OPCML: variants seen among roughly 807,000 people sequenced by gnomAD.
OPCML encodes the protein opioid binding protein/cell adhesion molecule like, also known as opioid-binding protein/cell adhesion molecule.
Under a neutral mutation model 37.8 loss-of-function variants are expected in OPCML, and 13 were observed. The observed-to-expected ratio is 0.34, with a 90% CI of 0.22 to 0.55. OPCML has a LOEUF of 0.55. Among genes scored for constraint, OPCML ranks in the 20% least tolerant of loss-of-function variants. The pLI is 0.91. For missense variants in OPCML, 341 were observed against 435.6 expected (o/e 0.78, Z 1.93); for synonymous variants, 176 against 168.8 (o/e 1.04, Z -0.33).
At chr11:132,532,170 T>A (rs1418351696) in intron 3 of OPCML, among the ~76,000 whole-genome samples, 1 of 152,172 alleles carries the variant, frequency 6.6e-6, no homozygotes, top group Non-Finnish European at 1.5e-5. Flanking sequence ...GCTCAGTCAA[T>A]GTCACCCATT....
rs953421377 is a variant in OPCML, at chr11:132,644,340, T to C, written c.379+12747A>G. 2.0e-5 allele frequency among the ~76,000 whole-genome samples: 3 copies of C among 152,158 alleles called. No homozygotes were observed. The South Asian group carries it at 6.2e-4, about 32-fold the overall frequency. On this transcript the variant is annotated intron_variant, in intron 3 of 7. Coordinates refer to ENST00000524381, the MANE Select transcript of OPCML (RefSeq NM_001012393.5). ...TGTCAATCAGAGGGAACTCCTTCTC[T>C]GCTTTTAACTAACAAAAACCCAGTA...
intron 2 of OPCML, among the ~76,000 whole-genome samples, chr11:132,758,927 G>A (rs1246691365): frequency 6.6e-6 from 1 of 152,118 alleles, no homozygotes; most frequent in Non-Finnish European, 1.5e-5. Flanking sequence ...GTATGATATT[G>A]GTTGTGGGTT....
At chr11:132,875,817 G>A (rs2136410592) in intron 2 of OPCML, among the ~76,000 whole-genome samples, 1 of 152,276 alleles carries the variant, frequency 6.6e-6, no homozygotes, top group South Asian at 2.1e-4. Context: ...GTGCTGGGTG[G>A]TGCCTTTTAT....
At chr11:132,505,572 T>A (rs1012848632) in intron 4 of OPCML, among the ~76,000 whole-genome samples, 1 of 152,160 alleles carries the variant, frequency 6.6e-6, no homozygotes, top group African/African-American at 2.4e-5. Flanking sequence ...GTTGTTGAGA[T>A]GAACGAAAAC....
At chr11:133,103,641 A>G (rs1949117216) in intron 1 of OPCML, among the ~76,000 whole-genome samples, 1 of 152,226 alleles carries the variant, frequency 6.6e-6, no homozygotes, top group Non-Finnish European at 1.5e-5. Flanking sequence ...TTTCTTTGCA[A>G]GATTTCATGT....
intron 2 of OPCML, among the ~76,000 whole-genome samples, chr11:132,735,650 A>G (rs746930799): frequency 4.5e-4 from 69 of 151,856 alleles, no homozygotes; most frequent in Non-Finnish European, 5.7e-4. Context: ...CGCCCGACTA[A>G]TTTTTTGTAT....
chr11:133,083,121 TCACACACACCACG>T (rs1462387656), intron 1 of OPCML, among the ~76,000 whole-genome samples: 2 of 151,784 alleles, frequency 1.3e-5, no homozygotes, highest in Non-Finnish European at 2.9e-5. Flanking sequence ...CACACTCACA[TCACACACACCACG>T]CACACACACG....
intron 1 of OPCML, among the ~76,000 whole-genome samples, chr11:133,220,725 A>C (rs942210856): frequency 2.6e-5 from 4 of 152,064 alleles, no homozygotes; most frequent in African/African-American, 9.7e-5. Context: ...TCAGAGAGCA[A>C]AGTCTCCCTC....
chr11:133,433,804 T>C (rs1946176406), intron 1 of OPCML, among the ~76,000 whole-genome samples: 1 of 152,168 alleles, frequency 6.6e-6, no homozygotes, highest in South Asian at 2.1e-4. Context: ...GGCTCCAGGA[T>C]AAACTCTGTA....
chr11:133,494,165 A>G (rs1947728510), intron 1 of OPCML, among the ~76,000 whole-genome samples: 1 of 152,230 alleles, frequency 6.6e-6, no homozygotes, highest in South Asian at 2.1e-4. Context: ...TCAAAACCAC[A>G]ATGAGATACC....
chr11:133,008,968 G>A (rs914238487), intron 1 of OPCML: 49 of 985,310 alleles, frequency 5.0e-5, no homozygotes, highest in Middle Eastern at 5.2e-4. Context: ...CATTACTGAG[G>A]AGATTAGCAT....
chr11:132,694,583 C>A (rs1943535776), intron 2 of OPCML, among the ~76,000 whole-genome samples: 1 of 152,152 alleles, frequency 6.6e-6, no homozygotes, highest in South Asian at 2.1e-4. Context: ...AAAAAATGAA[C>A]AACAACTTTG....
intron 1 of OPCML, among the ~76,000 whole-genome samples, chr11:133,404,530 G>C (rs547669623): frequency 1.3e-5 from 2 of 152,258 alleles, no homozygotes; most frequent in African/African-American, 4.8e-5. Context: ...TCATTCCACA[G>C]ACAGGGAAGG....
chr11:132,904,102 G>A (rs1944153312), intron 2 of OPCML, among the ~76,000 whole-genome samples: 2 of 152,200 alleles, frequency 1.3e-5, no homozygotes, highest in Non-Finnish European at 1.5e-5. Flanking sequence ...GTCCTAAAGT[G>A]TGGGGGAAAA....
chr11:133,395,926 G>T (rs75030305), intron 1 of OPCML, among the ~76,000 whole-genome samples: 2 of 152,046 alleles, frequency 1.3e-5, no homozygotes, highest in South Asian at 2.1e-4. Flanking sequence ...GGAGAACGTC[G>T]TTGGTATGTT....
intron 1 of OPCML, among the ~76,000 whole-genome samples, chr11:133,160,567 C>T (rs1475884220): frequency 6.6e-6 from 1 of 152,266 alleles, no homozygotes; most frequent in African/African-American, 2.4e-5. Context: ...GCCTAGGCTT[C>T]CTGCTACATT....
chr11:133,418,395 T>C (rs1945813215), intron 1 of OPCML: 3 of 985,272 alleles, frequency 3.0e-6, no homozygotes, highest in Non-Finnish European at 1.2e-6. Context: ...CCTAAATAGA[T>C]TGGTGATTGA....
intron 5 of OPCML, 101 bp from the exon 6 acceptor site, chr11:132,436,880 T>A: frequency 6.7e-7 from 1 of 1,499,506 alleles, no homozygotes; most frequent in Non-Finnish European, 8.9e-7. Context: ...ATTTGCTATG[T>A]AAATGGATTT....
intron 1 of OPCML, among the ~76,000 whole-genome samples, chr11:133,485,560 C>T (rs1947508601): frequency 1.3e-5 from 2 of 152,170 alleles, no homozygotes; most frequent in Admixed American, 6.5e-5. Context: ...GATCAGTCCT[C>T]TCATATAAAT....
Sources: gnomAD v4.1 joint callset for allele counts (sites outside exome capture counted in the v4.1 genomes callset) on GRCh38, gnomAD v4.1.1 for gene constraint, MANE v1.5 for transcripts, NCBI Gene and HGNC (gene_info 2026-07-23, HGNC 2026-07-21) for gene names.